The following NPIPB12 variants were observed in gnomAD, a reference collection of about 807,000 sequenced individuals.
NPIPB12 encodes nuclear pore complex interacting protein family member B12, also known as nuclear pore complex-interacting protein family member B12.
At chr16:29,492,874 CATCTT>C (rs1965107380) in intron 2 of NPIPB12, among the ~76,000 whole-genome samples, 1 of 76,712 alleles carries the variant, frequency 1.3e-5, no homozygotes, top group Non-Finnish European at 2.5e-5. Flanking sequence ...TGGTAATTAT[CATCTT>C]ATAAGTATTT....
Position 29,495,152 on chromosome 16 carries a change from G to A in NPIPB12, c.204+327C>T, listed in dbSNP as rs563982140. ...AAGCTTTCCTTCCACCCATACGATA[G>A]AACTACAAAGCAGAAGAGTTTAGAA... On this transcript the variant is annotated intron_variant, in intron 2 of 5. Coordinates refer to ENST00000617311, the Ensembl canonical transcript of NPIPB12. Among the ~76,000 whole-genome samples the A allele has an allele frequency of 1.6e-4, 23 of 145,288 alleles. 1 individual carries two copies. In the East Asian group the frequency reaches 4.6e-3, roughly 29 times the overall value.
chr16:29,495,156 T>C (rs531365850), intron 2 of NPIPB12, among the ~76,000 whole-genome samples: 282 of 145,746 alleles, frequency 1.9e-3, no homozygotes, highest in African/African-American at 6.8e-3. Context: ...ACGATAGAAC[T>C]ACAAAGCAGA....
intron 4 of NPIPB12, among the ~76,000 whole-genome samples, chr16:29,490,540 G>A (rs1965069182): frequency 6.7e-6 from 1 of 148,396 alleles, no homozygotes; most frequent in Non-Finnish European, 1.5e-5. Flanking sequence ...GACCAGCTTG[G>A]CCAATATGGT....
intron 1 of NPIPB12, among the ~76,000 whole-genome samples, chr16:29,498,045 A>ATCATTAAAAAAGTC (rs1965156675): frequency 7.5e-6 from 1 of 133,204 alleles, no homozygotes; most frequent in African/African-American, 2.7e-5. Context: ...TCACGCCTGT[A>ATCATTAAAAAAGTC]ATCCCAACGC....
chr16:29,504,504 CA>C (rs1965211655), intron 2 of NPIPB12, among the ~76,000 whole-genome samples: 1 of 102,756 alleles, frequency 9.7e-6, no homozygotes, highest in African/African-American at 3.7e-5. Flanking sequence ...AACTCTGTCT[CA>C]AAAAATATAT....
chr16:29,497,053 G>A (rs1243388990), intron 1 of NPIPB12, among the ~76,000 whole-genome samples: 2 of 44,696 alleles, frequency 4.5e-5, no homozygotes, highest in Admixed American at 3.1e-4. Flanking sequence ...TATAACATTG[G>A]ATGCATTTAT....
At chr16:29,492,507 A>T (rs1445580846) in intron 2 of NPIPB12, among the ~76,000 whole-genome samples, 133 of 71,156 alleles carry the variant, frequency 1.9e-3, no homozygotes, top group African/African-American at 7.5e-3. Flanking sequence ...AAAAAAAAAA[A>T]AAAAAAGGCC....
chr16:29,497,046 A>G (rs1965140595), intron 1 of NPIPB12, among the ~76,000 whole-genome samples: 1 of 39,874 alleles, frequency 2.5e-5, no homozygotes, highest in African/African-American at 7.5e-5. Flanking sequence ...ATTGATGTAT[A>G]ACATTGGATG....
chr16:29,497,139 C>G (rs1965142332), intron 1 of NPIPB12, among the ~76,000 whole-genome samples: 1 of 95,126 alleles, frequency 1.1e-5, no homozygotes, highest in Non-Finnish European at 2.2e-5. Flanking sequence ...TCATTTAAAT[C>G]TCAGCATAAG....
chr16:29,490,472 C>T (rs1296211667), intron 4 of NPIPB12, among the ~76,000 whole-genome samples: 1 of 149,426 alleles, frequency 6.7e-6, no homozygotes, highest in Non-Finnish European at 1.5e-5. Context: ...CGGTGGCTCA[C>T]GCCTGTAATC....
At chr16:29,498,944 T>A (rs2142192751) in intron 1 of NPIPB12, among the ~76,000 whole-genome samples, 1 of 14,628 alleles carries the variant, frequency 6.8e-5, no homozygotes, top group Admixed American at 6.5e-4. Flanking sequence ...AAAAAAGTCA[T>A]CAAACCAGAT....
At chr16:29,491,000 C>A (rs1965080737) in intron 4 of NPIPB12, among the ~76,000 whole-genome samples, 1 of 143,094 alleles carries the variant, frequency 7.0e-6, no homozygotes, top group African/African-American at 2.6e-5. Context: ...TACCTGAGGT[C>A]AGAAGTTCGA....
chr16:29,497,052 G>T, intron 1 of NPIPB12, among the ~76,000 whole-genome samples: 1 of 42,166 alleles, frequency 2.4e-5, no homozygotes, highest in Admixed American at 3.3e-4. Flanking sequence ...GTATAACATT[G>T]GATGCATTTA....
At chr16:29,504,129 T>C (rs1370036131), upstream of NPIPB12, among the ~76,000 whole-genome samples, 1 of 61,816 alleles carries the variant, frequency 1.6e-5, no homozygotes, top group African/African-American at 1.4e-4. Context: ...GCATATGTAT[T>C]CTTTCAATCT....
At chr16:29,498,298 C>CAAA (rs200400124) in intron 1 of NPIPB12, among the ~76,000 whole-genome samples, 1,312 of 130,602 alleles carry the variant, frequency 0.01, no homozygotes, top group East Asian at 0.082. Flanking sequence ...GAAACTGTCT[C>CAAA]AAAATAAATA....
At chr16:29,492,851 C>CACTTG in intron 2 of NPIPB12, among the ~76,000 whole-genome samples, 1 of 94,178 alleles carries the variant, frequency 1.1e-5, no homozygotes, top group African/African-American at 4.1e-5. Flanking sequence ...CTGTACACTT[C>CACTTG]AACACGGTTA....
rs1297443378 is a variant in NPIPB12 at position 29,495,053 on chromosome 16, C to T, written c.204+426G>A. 3.8e-4 allele frequency among the ~76,000 whole-genome samples: 44 copies of T among 114,364 alleles called. 1 individual carries two copies. The highest frequency in any genetic ancestry group is 8.0e-4 in the Non-Finnish European group (40 of 50,290). The allele number at this position is 114,364 out of a possible 152,430, so 75.0% of individuals were successfully genotyped here. On this transcript the variant is annotated intron_variant, in intron 2 of 5. Transcript: ENST00000617311. ...GCTGGTTCCCATGTTTATGCCTGTT[C>T]TATGTTTTTCTTTTCCTGTTAAGCT...
At chr16:29,490,456 C>T (rs1186830895) in intron 4 of NPIPB12, among the ~76,000 whole-genome samples, 7 of 149,250 alleles carry the variant, frequency 4.7e-5, no homozygotes, top group South Asian at 2.2e-4. Context: ...AAAATTGGGC[C>T]GGGCACGGTG....
At chr16:29,501,255 G>A (rs534989455), upstream of NPIPB12, among the ~76,000 whole-genome samples, 2 of 62,230 alleles carry the variant, frequency 3.2e-5, 1 homozygote, top group African/African-American at 2.1e-4. Flanking sequence ...CGAGGTGGGC[G>A]GATCACAAGG....
Sources: allele counts gnomAD v4.1 joint callset (sites outside exome capture counted in the v4.1 genomes callset), GRCh38; gene constraint gnomAD v4.1.1; transcripts MANE v1.5; gene names NCBI Gene and HGNC (gene_info 2026-07-23, HGNC 2026-07-21).